LMBR1: variants seen among roughly 807,000 people sequenced by gnomAD.
LMBR1 encodes the protein limb development membrane protein 1, also known as limb region 1 protein homolog.
Under a neutral mutation model 73.9 loss-of-function variants are expected in LMBR1, and 52 were observed. The observed-to-expected ratio is 0.70, with a 90% CI of 0.56 to 0.89. The LOEUF is 0.89. Among genes scored for constraint, LMBR1 ranks in the 40% least tolerant of loss-of-function variants. The pLI is 0.00. For synonymous variants in LMBR1, 215 were observed against 209.4 expected (o/e 1.03, Z -0.23); for missense variants, 539 against 579.8 (o/e 0.93, Z 0.72).
chr7:156,672,375 G>A (rs1454581453), intron 4 of LMBR1, among the ~76,000 whole-genome samples: 1 of 152,162 alleles, frequency 6.6e-6, no homozygotes, highest in African/African-American at 2.4e-5. Context: ...GACTAATAAA[G>A]GAGATAGGAC....
At chr7:156,808,090 A>G (rs1832456183) in intron 4 of LMBR1, among the ~76,000 whole-genome samples, 1 of 152,146 alleles carries the variant, frequency 6.6e-6, no homozygotes, top group Non-Finnish European at 1.5e-5. Flanking sequence ...TATGTATTCT[A>G]TTCTTGGATG....
Position 156,796,471 on chromosome 7 carries a change from A to G in LMBR1, c.341T>C (p.Leu114Pro). The G allele has an allele frequency of 6.2e-7, 1 of 1,606,338 alleles. No individual in the cohort carries two copies. Among genetic ancestry groups the G allele is most frequent in the Non-Finnish European group, 8.5e-7 (1 of 1,176,554 alleles). Reference sequence around the variant, plus strand: ...TACAAATAAACAAAGGTTGGAAAAAAGGGAAGCAAGATTCCACAAACCTAT... The same window carrying G: ...TACAAATAAACAAAGGTTGGAAAAAGGGGAAGCAAGATTCCACAAACCTAT... The part of the protein sequence containing the change: ...LIHGLWNLAS[L>P]FSNLCLFVLM... Residue 114 changes from leucine (L) to proline (P), a missense_variant, in exon 5 of 17, where the codon CTT (leucine) becomes CCT (proline). By Grantham distance (98) the Leu-to-Pro change is moderately conservative. This residue lies in a region of LMBR1 where 454 missense variants were observed against 473.4 expected (regional missense o/e 0.96). Coordinates refer to ENST00000353442, the MANE Select transcript of LMBR1 (RefSeq NM_022458.4).
At chr7:156,746,348 C>CA (rs1819858835) in intron 9 of LMBR1, among the ~76,000 whole-genome samples, 1 of 151,982 alleles carries the variant, frequency 6.6e-6, no homozygotes, top group Non-Finnish European at 1.5e-5. Context: ...TTTAGAATTT[C>CA]AAAAGAGAAT....
At chr7:156,820,963 T>A (rs1834695774) in intron 4 of LMBR1, among the ~76,000 whole-genome samples, 2 of 152,128 alleles carry the variant, frequency 1.3e-5, no homozygotes, top group African/African-American at 4.8e-5. Flanking sequence ...GCCCTTAGGA[T>A]GTTGGGGCAA....
intron 1 of LMBR1, among the ~76,000 whole-genome samples, chr7:156,868,490 G>A (rs374224985): frequency 4.0e-5 from 6 of 151,822 alleles, no homozygotes; most frequent in East Asian, 1.9e-4. Context: ...CCTGACCAAC[G>A]TGGTGAAACC....
chr7:156,843,426 C>T (rs776703884), intron 1 of LMBR1, among the ~76,000 whole-genome samples: 2 of 152,078 alleles, frequency 1.3e-5, no homozygotes, highest in Non-Finnish European at 1.5e-5. Context: ...CTAATGTTCA[C>T]GGTACAGAAG....
At chr7:156,792,101 T>C (rs1243122001) in intron 5 of LMBR1, among the ~76,000 whole-genome samples, 4 of 152,158 alleles carry the variant, frequency 2.6e-5, no homozygotes, top group Admixed American at 2.0e-4. Context: ...ACCTCCAGAG[T>C]TCCTTACAAA....
intron 1 of LMBR1, among the ~76,000 whole-genome samples, chr7:156,846,579 G>A (rs1795507522): frequency 1.3e-5 from 2 of 152,124 alleles, no homozygotes; most frequent in African/African-American, 4.8e-5. Flanking sequence ...TTCATGTATA[G>A]GAAGACTCAA....
chr7:156,725,680 A>C, intron 13 of LMBR1, 84 bp downstream of exon 13: 1 of 1,336,138 alleles, frequency 7.5e-7, no homozygotes, highest in Non-Finnish European at 1.1e-6. Flanking sequence ...CTTCTAGACA[A>C]GTGTCTTAGT....
chr7:156,751,131 A>C (rs531269544), intron 9 of LMBR1, among the ~76,000 whole-genome samples: 2 of 152,248 alleles, frequency 1.3e-5, no homozygotes, highest in Admixed American at 1.3e-4. Flanking sequence ...TTAAATAAAT[A>C]AATCCCTGGA....
intron 1 of LMBR1, among the ~76,000 whole-genome samples, chr7:156,858,585 A>G (rs1341258850): frequency 2.0e-5 from 3 of 152,234 alleles, no homozygotes; most frequent in Non-Finnish European, 4.4e-5. Context: ...CCCTAATACC[A>G]AAATGAAATA....
At chr7:156,842,669 G>T (rs1586173518) in intron 1 of LMBR1, among the ~76,000 whole-genome samples, 1 of 152,140 alleles carries the variant, frequency 6.6e-6, no homozygotes, top group African/African-American at 2.4e-5. Context: ...TATTCCAGAA[G>T]GAGTATGTAA....
chr7:156,823,073 C>G (rs1002927480), intron 4 of LMBR1: 2 of 151,976 alleles, frequency 1.3e-5, no homozygotes, highest in Admixed American at 1.3e-4. Context: ...GACTGCGCCA[C>G]TGCACTCCAG....
chr7:156,743,221 T>C (rs1819231409), intron 9 of LMBR1, among the ~76,000 whole-genome samples: 1 of 152,148 alleles, frequency 6.6e-6, no homozygotes, highest in South Asian at 2.1e-4. Context: ...TATAAATTTA[T>C]AAATCAAGCA....
At chr7:156,706,359 G>A (rs534664033) in intron 15 of LMBR1, among the ~76,000 whole-genome samples, 2 of 151,654 alleles carry the variant, frequency 1.3e-5, no homozygotes, top group African/African-American at 2.4e-5. Flanking sequence ...AGCTTATCGA[G>A]AAAAAAAATC....
At chr7:156,877,611 C>A (rs923265552) in intron 1 of LMBR1, among the ~76,000 whole-genome samples, 1 of 152,122 alleles carries the variant, frequency 6.6e-6, no homozygotes, top group Non-Finnish European at 1.5e-5. Flanking sequence ...CGGCCGGGCG[C>A]GGTGGCTCAT....
At chr7:156,743,868 T>G (rs1819355896) in intron 9 of LMBR1, among the ~76,000 whole-genome samples, 2 of 152,178 alleles carry the variant, frequency 1.3e-5, no homozygotes, top group African/African-American at 4.8e-5. Flanking sequence ...TTAATCATTC[T>G]CTCACTGCTG....
downstream of LMBR1, among the ~76,000 whole-genome samples, chr7:156,675,277 G>C (rs1803598080): frequency 6.6e-6 from 1 of 152,236 alleles, no homozygotes; most frequent in South Asian, 2.1e-4. Flanking sequence ...CCACGGCAAG[G>C]CCTGTGTGCT....
intron 9 of LMBR1, among the ~76,000 whole-genome samples, chr7:156,746,699 A>G (rs1819913649): frequency 6.6e-6 from 1 of 152,182 alleles, no homozygotes; most frequent in Non-Finnish European, 1.5e-5. Context: ...ACCACTCTTT[A>G]TTATAATAGA....
Sources: allele counts gnomAD v4.1 joint callset (sites outside exome capture counted in the v4.1 genomes callset), GRCh38; gene constraint gnomAD v4.1.1; regional missense constraint gnomAD v4.1.1; transcripts MANE v1.5; gene names NCBI Gene and HGNC (gene_info 2026-07-23, HGNC 2026-07-21).